TMEM164: variants seen among roughly 807,000 people sequenced by gnomAD.
The protein encoded by TMEM164 is transmembrane protein 164.
In TMEM164, 4 loss-of-function variants were observed where a neutral mutation model predicts 18.8. The ratio of observed to expected loss-of-function variants is 0.21; its 90% CI spans 0.10 to 0.49. The LOEUF is 0.49. Ranked by LOEUF, TMEM164 falls within the 20% of genes least tolerant of loss-of-function variation. TMEM164 has a pLI of 0.98. For missense variants in TMEM164, 108 were observed against 239.9 expected (o/e 0.45, Z 3.63); for synonymous variants, 86 against 101.7 (o/e 0.85, Z 0.93).
chrX:110,058,306 T>A (rs1044035840), intron 2 of TMEM164, among the ~76,000 whole-genome samples: 3 of 109,702 alleles, frequency 2.7e-5, no homozygotes, highest in Non-Finnish European at 5.7e-5. Context: ...TAAATAACTG[T>A]TCTTCAAATT....
At position 110,124,176 on chromosome X, in the gene TMEM164, A is replaced by AAGGCAGGCAGGC. The variant is rs1182349521; in HGVS notation, c.507+15037_507+15038insCAGGCAGGCAGG. Among the ~76,000 whole-genome samples the AAGGCAGGCAGGC allele has an allele frequency of 5.4e-3, 417 of 77,149 alleles. 3 individuals are homozygous for AAGGCAGGCAGGC. Among genetic ancestry groups the AAGGCAGGCAGGC allele is most frequent in the African/African-American group, 0.019 (387 of 19,935 alleles). The allele number at this position is 77,149 out of a possible 115,157, so 67.0% of individuals were successfully genotyped here. Reference sequence around the variant, plus strand: ...GAAGGAAGGAAGGAAGGAAGGAAGGAAGGCAGGAAGGCAGGCAGGCAGGCA... The same window carrying AAGGCAGGCAGGC: ...GAAGGAAGGAAGGAAGGAAGGAAGGAAGGCAGGCAGGCAGGCAGGAAGGCAGGCAGGCAGGCA... On this transcript the variant is annotated intron_variant, in intron 4 of 6. Coordinates refer to ENST00000372068, the MANE Select transcript of TMEM164 (RefSeq NM_032227.4).
intron 5 of TMEM164, among the ~76,000 whole-genome samples, chrX:110,160,729 T>G (rs2067082369): frequency 9.0e-6 from 1 of 111,331 alleles, no homozygotes; most frequent in African/African-American, 3.3e-5. Flanking sequence ...AATAAGGTTG[T>G]TTTTTTGTTT....
intron 3 of TMEM164, among the ~76,000 whole-genome samples, chrX:110,094,024 T>G (rs908688637): frequency 6.3e-5 from 7 of 111,759 alleles, no homozygotes; most frequent in East Asian, 5.6e-4. Flanking sequence ...TCCTGAGTTC[T>G]AGTTTGATTG....
chrX:110,051,593 A>AAAAGAAAG (rs367718317), intron 2 of TMEM164, among the ~76,000 whole-genome samples: 2,150 of 102,946 alleles, frequency 0.021, 35 homozygotes, highest in Middle Eastern at 0.026. Context: ...CAAAAAAAAA[A>AAAAGAAAG]AAAGAAAGAA....
At position 110,003,811 on chromosome X, in the gene TMEM164, C is replaced by G. The variant is rs755658982; in HGVS notation, c.37C>G (p.Leu13Val). ...RYSYQSLLDW[L>V]YGGVDPSFAG... ...TAGCTACCAGAGTCTCCTGGACTGG[C>G]TCTATGGGGGCGTGGACCCCAGTTT... Residue 13 changes from leucine (L) to valine (V), a missense_variant, in exon 2 of 7, where the codon CTC (leucine) becomes GTC (valine). Coordinates refer to ENST00000372068, the MANE Select transcript of TMEM164 (RefSeq NM_032227.4). 2 of 1,209,640 alleles carry G rather than the reference C, an allele frequency of 1.7e-6. No individual in the cohort carries two copies. The highest frequency in any genetic ancestry group is 2.2e-6 in the Non-Finnish European group (2 of 894,454).
intron 4 of TMEM164, among the ~76,000 whole-genome samples, chrX:110,115,057 C>T (rs955514379): frequency 4.5e-5 from 5 of 111,575 alleles, no homozygotes; most frequent in Non-Finnish European, 9.4e-5. Context: ...TCTGTCATTA[C>T]TGGGGTGTCT....
At chrX:110,152,056 C>CTTTTTTTTTTT (rs755801649) in intron 5 of TMEM164, among the ~76,000 whole-genome samples, 10 of 77,462 alleles carry the variant, frequency 1.3e-4, no homozygotes, top group African/African-American at 3.3e-4. Context: ...CTTTTCTTTT[C>CTTTTTTTTTTT]TTTTTTTTTT....
chrX:110,048,322 G>A (rs1408363149), intron 2 of TMEM164, among the ~76,000 whole-genome samples: 3 of 111,351 alleles, frequency 2.7e-5, no homozygotes, highest in Non-Finnish European at 5.7e-5. Context: ...TCTGATCATC[G>A]TTTTTATTAT....
intron 4 of TMEM164, among the ~76,000 whole-genome samples, chrX:110,114,049 G>A (rs1466278925): frequency 9.0e-6 from 1 of 111,708 alleles, no homozygotes; most frequent in Non-Finnish European, 1.9e-5. Flanking sequence ...CTTCCAGAGG[G>A]TAAATTTAGG....
rs1934394060 is a variant in TMEM164, at chrX:110,030,108, G to GGTTTTTTTTTTTTTTTTTTT, written c.390+25944_390+25945insGTTTTTTTTTTTTTTTTTTT. On this transcript the variant is annotated intron_variant, in intron 2 of 6. Coordinates refer to ENST00000372068, the MANE Select transcript of TMEM164 (RefSeq NM_032227.4). ...TTTTTCTCTCTCTTTTTCTCTGTCT[G>GGTTTTTTTTTTTTTTTTTTT]TTTTTTTTTTTTTTTTTTTTTTTTT... 1.1e-4 allele frequency among the ~76,000 whole-genome samples: 3 copies of GGTTTTTTTTTTTTTTTTTTT among 26,970 alleles called. 1 individual carries two copies. The highest frequency in any genetic ancestry group is 4.3e-4 in the African/African-American group (3 of 6,962). The allele number at this position is 26,970 out of a possible 115,157, so 23.4% of individuals were successfully genotyped here. A position where few individuals can be genotyped will look rare whatever the true frequency, so the allele number is the denominator to read the frequency against.
intron 3 of TMEM164, among the ~76,000 whole-genome samples, chrX:110,072,794 A>G (rs1429770684): frequency 1.8e-5 from 2 of 108,746 alleles, no homozygotes; most frequent in African/African-American, 3.3e-5. Flanking sequence ...CTCAAGCACA[A>G]GGACAAGTAT....
chrX:110,017,444 T>TTCTTTCTTTCTC (rs1182465665), intron 2 of TMEM164, among the ~76,000 whole-genome samples: 7 of 43,022 alleles, frequency 1.6e-4, no homozygotes, highest in African/African-American at 5.9e-4. Context: ...CTTTCTTTCT[T>TTCTTTCTTTCTC]TCTCTCTCTC....
chrX:110,168,350 C>T lies in TMEM164; in HGVS notation c.587-3070C>T, dbSNP rs142900712. On this transcript the variant is annotated intron_variant, in intron 5 of 6. Coordinates refer to ENST00000372068, the MANE Select transcript of TMEM164 (RefSeq NM_032227.4). ...GAATGCAGAAGTGGCCTGACATGGT[C>T]CTTGACCCTGAGATGCACTTGGTCT... 5.3e-3 allele frequency among the ~76,000 whole-genome samples: 598 copies of T among 113,006 alleles called. 3 individuals carry two copies. The highest frequency in any genetic ancestry group is 0.018 in the Middle Eastern group (4 of 218).
chrX:110,060,947 A>G (rs1569311313), intron 2 of TMEM164, among the ~76,000 whole-genome samples: 1 of 112,259 alleles, frequency 8.9e-6, no homozygotes, highest in Non-Finnish European at 1.9e-5. Context: ...TAAATTTTAC[A>G]GTTACCCTAT....
chrX:110,109,134 A>G lies in TMEM164; in HGVS notation c.495A>G (p.Val165=). The G allele has an allele frequency of 8.3e-7, 1 of 1,210,705 alleles. No homozygotes were observed. The highest frequency in any genetic ancestry group is 1.1e-6 in the Non-Finnish European group (1 of 894,504). ...TTCTGGCATTGCTGTTTCCTGTGGT[A>G]AACACTCGGCTGGTAAGTAGCCTCT... The part of the protein sequence containing the change: ...GALLALLFPV[V]NTRLLPFELE... Residue 165 remains valine (V), a synonymous_variant, in exon 4 of 7, where the codon GTA becomes GTG. Transcript: ENST00000372068.
chrX:110,063,596 G>A (rs1936205472), intron 2 of TMEM164, among the ~76,000 whole-genome samples: 1 of 111,428 alleles, frequency 9.0e-6, no homozygotes, highest in South Asian at 3.8e-4. Context: ...GTTAGTACAG[G>A]GATCTTTCCT....
chrX:110,045,379 A>G (rs1428814239), intron 2 of TMEM164, among the ~76,000 whole-genome samples: 2 of 112,122 alleles, frequency 1.8e-5, no homozygotes, highest in Non-Finnish European at 3.8e-5. Flanking sequence ...CCTTTATAAG[A>G]AAGATTATGG....
chrX:110,124,455 TG>T (rs2066501954), intron 4 of TMEM164, among the ~76,000 whole-genome samples: 4 of 110,763 alleles, frequency 3.6e-5, no homozygotes, highest in African/African-American at 9.9e-5. Flanking sequence ...CCTAGGACCT[TG>T]AGTGGAGTGA....
chrX:110,003,046 G>A (rs1485828170), upstream of TMEM164: 3 of 111,605 alleles, frequency 2.7e-5, no homozygotes, highest in African/African-American at 9.8e-5. Context: ...GGGGGTTCGG[G>A]GGTGTACCCG....
Sources: gnomAD v4.1 joint callset for allele counts (sites outside exome capture counted in the v4.1 genomes callset) on GRCh38, gnomAD v4.1.1 for gene constraint, MANE v1.5 for transcripts, NCBI Gene and HGNC (gene_info 2026-07-23, HGNC 2026-07-21) for gene names.